NTF3: variants seen among roughly 807,000 people sequenced by gnomAD.
The protein encoded by NTF3 is neurotrophin 3.
A neutral mutation model predicts 26.3 loss-of-function variants in NTF3; 8 were observed. The ratio of observed to expected loss-of-function variants is 0.30; its 90% confidence interval spans 0.18 to 0.55. NTF3 has a LOEUF of 0.55. Ranked by LOEUF, NTF3 falls within the 20% of genes least tolerant of loss-of-function variation. NTF3 has a pLI of 0.93. For synonymous variants in NTF3, 154 were observed against 145.5 expected (o/e 1.06, Z -0.42); for missense variants, 276 against 352.9 (o/e 0.78, Z 1.75).
intron 1 of NTF3, among the ~76,000 whole-genome samples, chr12:5,435,584 G>A (rs903425744): frequency 2.4e-4 from 37 of 152,318 alleles, no homozygotes; most frequent in South Asian, 6.2e-4. Flanking sequence ...CTTGTGTGGG[G>A]TGTGGGCTGG....
intron 1 of NTF3, among the ~76,000 whole-genome samples, chr12:5,493,864 C>T (rs767688262): frequency 6.6e-6 from 1 of 152,260 alleles, no homozygotes; most frequent in Non-Finnish European, 1.5e-5. Context: ...GTGAACCATG[C>T]GTCTTTGCAG....
At chr12:5,431,374 C>T (rs71459947), upstream of NTF3, among the ~76,000 whole-genome samples, 1 of 152,170 alleles carries the variant, frequency 6.6e-6, no homozygotes, top group African/African-American at 2.4e-5. Context: ...CACTCAAGCT[C>T]CCGCAAACAC....
chr12:5,439,731 G>A (rs1052825840), intron 1 of NTF3, among the ~76,000 whole-genome samples: 3 of 152,220 alleles, frequency 2.0e-5, no homozygotes, highest in African/African-American at 4.8e-5. Context: ...ACACGCCCAC[G>A]AGAGGTGGTA....
At chr12:5,473,103 A>G (rs1210660043) in intron 1 of NTF3, among the ~76,000 whole-genome samples, 1 of 152,064 alleles carries the variant, frequency 6.6e-6, no homozygotes, top group Non-Finnish European at 1.5e-5. Flanking sequence ...CCTCCCACCC[A>G]TAGACCTGAA....
chr12:5,450,289 C>G (rs1363527316), intron 1 of NTF3, among the ~76,000 whole-genome samples: 2 of 152,146 alleles, frequency 1.3e-5, no homozygotes, highest in Admixed American at 6.5e-5. Flanking sequence ...CAGGTGAAAC[C>G]CAGACTTAGT....
intron 1 of NTF3, among the ~76,000 whole-genome samples, chr12:5,481,263 AGGGGAGGCT>A (rs980929233): frequency 2.4e-4 from 37 of 152,154 alleles, no homozygotes; most frequent in African/African-American, 8.4e-4. Context: ...CAGTGGCCAA[AGGGGAGGCT>A]GGGAGTAGAC....
chr12:5,451,171 A>G (rs1940368057), intron 1 of NTF3, among the ~76,000 whole-genome samples: 1 of 152,214 alleles, frequency 6.6e-6, no homozygotes, highest in Non-Finnish European at 1.5e-5. Context: ...TAAAATGGGG[A>G]TAATATAATG....
intron 1 of NTF3, among the ~76,000 whole-genome samples, chr12:5,485,768 T>A (rs1591607300): frequency 6.6e-6 from 1 of 152,184 alleles, no homozygotes; most frequent in East Asian, 1.9e-4. Context: ...GTTTATTAAG[T>A]GCCTACCACA....
At chr12:5,486,558 G>T (rs1321374399) in intron 1 of NTF3, among the ~76,000 whole-genome samples, 1 of 152,158 alleles carries the variant, frequency 6.6e-6, no homozygotes, top group African/African-American at 2.4e-5. Flanking sequence ...TGCAGACAAC[G>T]TATACACTAG....
intron 1 of NTF3, among the ~76,000 whole-genome samples, chr12:5,493,967 T>C (rs1940969696): frequency 6.6e-6 from 1 of 151,570 alleles, no homozygotes. Context: ...ATACAACCCG[T>C]GCAAAAAGCA....
At chr12:5,465,724 C>T (rs1051076190) in intron 1 of NTF3, among the ~76,000 whole-genome samples, 3 of 152,238 alleles carry the variant, frequency 2.0e-5, no homozygotes, top group Non-Finnish European at 4.4e-5. Flanking sequence ...ATCCCCACCA[C>T]ACTGTGCTGT....
At chr12:5,469,288 G>T (rs1940634425) in intron 1 of NTF3, among the ~76,000 whole-genome samples, 1 of 152,158 alleles carries the variant, frequency 6.6e-6, no homozygotes, top group East Asian at 1.9e-4. Flanking sequence ...GTCAGGAGAA[G>T]TCAGACCATA....
At position 5,432,190 on chromosome 12, in the gene NTF3, T is replaced by C; in HGVS notation, c.-135T>C. The C allele has an allele frequency of 5.7e-6, 6 of 1,051,198 alleles. No individual in the cohort carries two copies. The South Asian group carries it at 6.5e-5, about 11-fold the overall frequency. The allele number at this position is 1,051,198 out of a possible 1,614,324, so 65.1% of individuals were successfully genotyped here. On this transcript the variant is annotated 5_prime_UTR_variant, in exon 1 of 2. Transcript: ENST00000423158. Reference sequence around the variant, plus strand: ...AGCCCGGCGCAACTACTTTCTTCTCTCTCCTTTCTTTCTTCCTCTCCTTTT... The same window carrying C: ...AGCCCGGCGCAACTACTTTCTTCTCCCTCCTTTCTTTCTTCCTCTCCTTTT...
chr12:5,469,903 ATTGT>A (rs1286968324), intron 1 of NTF3, among the ~76,000 whole-genome samples: 5 of 151,758 alleles, frequency 3.3e-5, no homozygotes, highest in Admixed American at 2.0e-4. Context: ...TCCTGAGCTC[ATTGT>A]TTGTTTGTAT....
Position 5,464,062 on chromosome 12 carries a change from C to G in NTF3, c.19-30132C>G, listed in dbSNP as rs1452804729. Among the ~76,000 whole-genome samples, 18 of 152,276 alleles carry G rather than the reference C, an allele frequency of 1.2e-4. No individual in the cohort carries two copies. The East Asian group carries it at 2.7e-3, about 23-fold the overall frequency. On this transcript the variant is annotated intron_variant, in intron 1 of 1. Coordinates refer to ENST00000423158, the MANE Select transcript of NTF3 (RefSeq NM_001102654.2). ...TGCTTTGTCTGTTTTTCTGCACTGGCCCAGTACCCTTTACACTGGTGTAAC... is the reference window on the plus strand; with the variant it reads ...TGCTTTGTCTGTTTTTCTGCACTGGGCCAGTACCCTTTACACTGGTGTAAC...
intron 1 of NTF3, among the ~76,000 whole-genome samples, chr12:5,434,454 A>AT (rs1940140607): frequency 6.9e-6 from 1 of 145,976 alleles, no homozygotes; most frequent in Admixed American, 6.8e-5. Flanking sequence ...TCAGGGAGGG[A>AT]TGGGGATGTT....
intron 1 of NTF3, among the ~76,000 whole-genome samples, chr12:5,464,737 C>G (rs932357684): frequency 6.6e-6 from 1 of 152,136 alleles, no homozygotes; most frequent in Non-Finnish European, 1.5e-5. Context: ...CTCTTACTTG[C>G]ACTTACATGA....
rs781659031 is a variant in NTF3 at position 5,494,906 on chromosome 12, A to T, written c.731A>T (p.Asn244Ile). Residue 244 changes from asparagine to isoleucine, a missense_variant, in exon 2 of 2, where the codon AAC (asparagine) becomes ATC (isoleucine). Coordinates refer to ENST00000423158, the MANE Select transcript of NTF3 (RefSeq NM_001102654.2). The surrounding 1 kb of genome is among the most constrained non-coding windows in gnomAD (Gnocchi z 8.3). ...TACGTCCGAGCACTGACTTCAGAGA[A>T]CAATAAACTCGTGGGCTGGCGGTGG... ...QTYVRALTSE[N>I]NKLVGWRWIR... 1.9e-6 allele frequency: 3 copies of T among 1,614,170 alleles called. No homozygotes were observed.
Position 5,494,863 on chromosome 12 carries a change from T to G in NTF3, c.688T>G (p.Cys230Gly). 2 of 1,614,116 alleles carry G rather than the reference T, an allele frequency of 1.2e-6. No individual in the cohort carries two copies. The highest frequency in any genetic ancestry group is 1.7e-6 in the Non-Finnish European group (2 of 1,180,044). ...GIDDKHWNSQ[C>G]KTSQTYVRAL... The stretch of plus-strand genomic sequence containing the variant: ...TGATGATAAACACTGGAACTCTCAG[T>G]GCAAAACATCCCAAACCTACGTCCG... Residue 230 changes from cysteine (C) to glycine (G), a missense_variant, in exon 2 of 2, where the codon TGC becomes GGC. Physicochemically the swap from Cys to Gly is radical, Grantham distance 159. Transcript: ENST00000423158. This position sits in a 1 kb window ranked among gnomAD's most constrained non-coding sequence, Gnocchi z 8.3.
Sources: allele counts gnomAD v4.1 joint callset (sites outside exome capture counted in the v4.1 genomes callset), GRCh38; gene constraint gnomAD v4.1.1; non-coding constraint Gnocchi (gnomAD v3.1); transcripts MANE v1.5; gene names NCBI Gene and HGNC (gene_info 2026-07-23, HGNC 2026-07-21).